Variants in ZNF69 observed in about 807,000 individuals in gnomAD.
The protein encoded by ZNF69 is zinc finger protein 69.
ZNF69 carries 47 observed loss-of-function variants against 50.9 expected under a neutral mutation model. The observed-to-expected ratio is 0.92, with a 90% confidence interval of 0.73 to 1.18. The LOEUF (loss-of-function observed/expected upper bound fraction) is 1.18, where lower values mean the gene tolerates loss of function less well. ZNF69 is among the 50% of genes most tolerant of loss of function. The probability of loss-of-function intolerance (pLI) is 0.00; values close to 1 mark genes in which losing one functional copy is unlikely to be tolerated. For synonymous variants in ZNF69, 216 were observed against 223.1 expected, an observed-to-expected ratio of 0.97 and a Z score of 0.29; for missense variants, 717 against 675.1, an observed-to-expected ratio of 1.06 and a Z score of -0.69.
At chr19:11,954,802 T>C in the ZNF69 span, among the ~76,000 whole-genome samples, 1 of 152,008 alleles carries the variant, frequency 6.6e-6, no homozygotes, top group Admixed American at 6.6e-5. Context: ...GCCTGGGTAA[T>C]TGAGTGAGGG....
chr19:11,905,947 G>A lies in ZNF69; in HGVS notation c.1550G>A (p.Ser517Asn), dbSNP rs1972364397. Residue 517 changes from serine to asparagine, a missense_variant, in exon 4 of 4, where the codon AGT becomes AAT. Coordinates refer to ENST00000429654, the MANE Select transcript of ZNF69 (RefSeq NM_001364730.1). ...AAGCAATGTGGTGAAGCCTTCAGTA[G>A]TTCCAGTTCCTTTCGATACCATGAA... ...ECKQCGEAFSSSSSFRYHERT... is the reference protein window; with the variant it reads ...ECKQCGEAFSNSSSFRYHERT... 5 of 1,610,716 alleles carry A rather than the reference G, an allele frequency of 3.1e-6. No individual in the cohort carries two copies. The highest frequency in any genetic ancestry group is 4.2e-6 in the Non-Finnish European group (5 of 1,179,046).
chr19:11,974,077 C>CT, the ZNF69 span, among the ~76,000 whole-genome samples: 2 of 67,368 alleles, frequency 3.0e-5, no homozygotes, highest in African/African-American at 1.2e-4. Context: ...TCTTTTCTTT[C>CT]TTTCTTTCTT....
the ZNF69 span, chr19:11,950,717 T>C: frequency 4.8e-6 from 1 of 207,964 alleles, no homozygotes; most frequent in Non-Finnish European, 9.9e-6. Context: ...TGTTATTCTT[T>C]TTAAATAAGA....
At chr19:11,892,298 G>C (rs56077549) in intron 1 of ZNF69, among the ~76,000 whole-genome samples, 10,981 of 151,974 alleles carry the variant, frequency 0.072, 931 homozygotes, top group African/African-American at 0.21. Context: ...AATTTGTTAT[G>C]GTTTGCTTTT....
At chr19:11,909,650 G>A (rs1972429089), downstream of ZNF69, among the ~76,000 whole-genome samples, 1 of 152,150 alleles carries the variant, frequency 6.6e-6, no homozygotes, top group Admixed American at 6.5e-5. Context: ...AATAAACTGG[G>A]TATTGATGGG....
Position 11,905,739 on chromosome 19 carries a change from G to T in ZNF69, c.1342G>T (p.Glu448Ter), listed in dbSNP as rs759723346. 2.5e-6 allele frequency: 4 copies of T among 1,610,050 alleles called. No homozygotes were observed. In the African/African-American group the frequency reaches 5.4e-5, roughly 22 times the overall value. Residue 448 changes from glutamate to a stop codon, truncating the protein, a stop_gained, in exon 4 of 4, where the codon GAA becomes TAA. Transcript: ENST00000429654. LOFTEE classifies it high-confidence loss of function. ...HTGEKPYECQ[E>*]CGKAFRSMKN... Reference sequence around the variant, plus strand: ...TGGAGAGAAGCCCTATGAATGTCAGGAATGTGGGAAAGCCTTCAGATCTAT... The same window carrying T: ...TGGAGAGAAGCCCTATGAATGTCAGTAATGTGGGAAAGCCTTCAGATCTAT...
At chr19:11,948,543 A>C in the ZNF69 span, 1 of 1,610,334 alleles carries the variant, frequency 6.2e-7, no homozygotes, top group African/African-American at 1.3e-5. Flanking sequence ...AAAATAAGAA[A>C]GCCTTCAGGT....
the ZNF69 span, chr19:11,978,990 C>G: frequency 0.018 from 29,185 of 1,614,148 alleles, 315 homozygotes; most frequent in African/African-American, 0.026. Context: ...CAGTTCCCTT[C>G]GTAGACATGA....
the ZNF69 span, chr19:11,979,550 A>G: frequency 1.4e-5 from 22 of 1,603,844 alleles, no homozygotes; most frequent in Non-Finnish European, 1.9e-5. Context: ...CTATGAATGC[A>G]AGCAATGTGG....
At chr19:11,895,653 G>T (rs1443550447) in intron 1 of ZNF69, among the ~76,000 whole-genome samples, 1 of 152,148 alleles carries the variant, frequency 6.6e-6, no homozygotes, top group African/African-American at 2.4e-5. Flanking sequence ...AGGAGGTGGA[G>T]AACTAGAAAC....
chr19:11,918,789 A>G (rs943994097), downstream of ZNF69, among the ~76,000 whole-genome samples: 1 of 151,930 alleles, frequency 6.6e-6, no homozygotes, highest in African/African-American at 2.4e-5. Flanking sequence ...AGATATCTGT[A>G]CATGTTTCTG....
chr19:11,924,974 C>T, the ZNF69 span: 2 of 459,130 alleles, frequency 4.4e-6, no homozygotes, highest in Admixed American at 3.6e-5. Flanking sequence ...GTCAGTCTGG[C>T]TCTGCGGGGC....
At chr19:11,951,917 G>A in the ZNF69 span, among the ~76,000 whole-genome samples, 1 of 152,346 alleles carries the variant, frequency 6.6e-6, no homozygotes, top group East Asian at 1.9e-4. Flanking sequence ...GCTCACGCCT[G>A]TAATCACAGC....
At chr19:11,914,275 C>T (rs1182233291) in exon 5 of ZNF69, 1 of 151,366 alleles carries the variant, frequency 6.6e-6, no homozygotes, top group East Asian at 1.9e-4. Context: ...GAGGTCACAC[C>T]ATTCACTCCA....
chr19:11,945,720 TG>T, the ZNF69 span, among the ~76,000 whole-genome samples: 253 of 152,150 alleles, frequency 1.7e-3, 3 homozygotes, highest in African/African-American at 5.7e-3. Flanking sequence ...TTCCTCCTCC[TG>T]GGGGACAGTA....
the ZNF69 span, chr19:11,977,128 G>C: frequency 2.1e-5 from 34 of 1,614,182 alleles, no homozygotes; most frequent in East Asian, 7.6e-4. Flanking sequence ...CTACAGGGAA[G>C]TGATGCTGGA....
the ZNF69 span, among the ~76,000 whole-genome samples, chr19:11,931,945 A>G: frequency 1.4e-5 from 2 of 147,808 alleles, no homozygotes; most frequent in Middle Eastern, 3.4e-3. Context: ...GAGAAACCCC[A>G]TCTCTACTAA....
the ZNF69 span, among the ~76,000 whole-genome samples, chr19:11,939,308 A>G: frequency 1.3e-5 from 2 of 152,138 alleles, no homozygotes; most frequent in South Asian, 2.1e-4. Flanking sequence ...GCCCATGCCT[A>G]TGTCTGAATG....
Position 11,905,036 on chromosome 19 carries a change from GCA to G in ZNF69, c.642_643del (p.His214GlnfsTer7). 1 of 1,614,126 alleles carries G rather than the reference GCA, an allele frequency of 6.2e-7. No homozygotes were observed. Among genetic ancestry groups the G allele is most frequent in the Non-Finnish European group, 8.5e-7 (1 of 1,180,018 alleles). ...HSSIQRHVVM[H>X]SGDGPYKCKF... ...CAAGCATTCAAAGACACGTGGTAAT[GCA>G]CAGTGGGGATGGACCTTATAAATGT... On this transcript the variant is annotated frameshift_variant, in exon 4 of 4. Coordinates refer to ENST00000429654, the MANE Select transcript of ZNF69 (RefSeq NM_001364730.1). LOFTEE classifies it high-confidence loss of function.
Sources: gnomAD v4.1 joint callset for allele counts (sites outside exome capture counted in the v4.1 genomes callset) on GRCh38, gnomAD v4.1.1 for gene constraint, MANE v1.5 for transcripts, NCBI Gene and HGNC (gene_info 2026-07-23, HGNC 2026-07-21) for gene names.